The following LHFPL3 variants were observed in gnomAD, a reference collection of about 807,000 sequenced individuals.
LHFPL3 encodes the protein LHFPL tetraspan subfamily member 3 protein.
LHFPL3 carries 5 observed loss-of-function variants against 19.3 expected under a neutral mutation model. That is an observed-to-expected ratio of 0.26 (90% CI 0.14 to 0.54). The LOEUF (loss-of-function observed/expected upper bound fraction) is 0.54. LHFPL3 is among the 20% of genes least tolerant of loss of function. The probability of loss-of-function intolerance (pLI) is 0.94; values close to 1 mark genes in which losing one functional copy is unlikely to be tolerated. For synonymous variants in LHFPL3, 133 were observed against 126.2 expected (o/e 1.05, Z -0.36); for missense variants, 249 against 307.4 (o/e 0.81, Z 1.42).
At chr7:104,719,752 T>C (rs1793452916) in intron 1 of LHFPL3, among the ~76,000 whole-genome samples, 1 of 152,178 alleles carries the variant, frequency 6.6e-6, no homozygotes, top group South Asian at 2.1e-4. Flanking sequence ...GAAAGTGATT[T>C]CACATGCGTT....
intron 2 of LHFPL3, among the ~76,000 whole-genome samples, chr7:104,861,871 T>C (rs1010191454): frequency 8.5e-5 from 13 of 152,134 alleles, no homozygotes; most frequent in African/African-American, 3.1e-4. Flanking sequence ...GAGGTTATTC[T>C]CTCCAACAAG....
chr7:104,854,052 C>A (rs960132053), intron 2 of LHFPL3, among the ~76,000 whole-genome samples: 3 of 152,102 alleles, frequency 2.0e-5, no homozygotes, highest in African/African-American at 7.2e-5. Context: ...CTAGGATGAA[C>A]CCCTGTAATA....
At chr7:104,747,921 G>A (rs1168691369) in intron 2 of LHFPL3, among the ~76,000 whole-genome samples, 1 of 152,114 alleles carries the variant, frequency 6.6e-6, no homozygotes. Flanking sequence ...TATTTTTAGA[G>A]TGTGGGGAAA....
chr7:104,632,490 T>A (rs922777310), intron 1 of LHFPL3, among the ~76,000 whole-genome samples: 3 of 152,246 alleles, frequency 2.0e-5, no homozygotes, highest in Non-Finnish European at 4.4e-5. Flanking sequence ...AGATAACCAT[T>A]ATGAAATAAC....
rs1478649787 is a variant in LHFPL3, at chr7:104,802,511, A to G, written c.682+65600A>G. 2.8e-5 allele frequency among the ~76,000 whole-genome samples: 4 copies of G among 143,382 alleles called. No homozygotes were observed. The South Asian group carries it at 9.0e-4, about 32-fold the overall frequency. 94.1% of individuals were successfully genotyped at this position (143,382 alleles called of 152,430 possible). A position where few individuals can be genotyped will look rare whatever the true frequency, so the allele number is the denominator to read the frequency against. On this transcript the variant is annotated intron_variant, in intron 2 of 2. Coordinates refer to ENST00000424859, the MANE Select transcript of LHFPL3 (RefSeq NM_199000.3). The stretch of plus-strand genomic sequence containing the variant: ...TATCTCAAAAAAAAAAAAAAAAAAA[A>G]AAAAGAGAGAGAGAGCAAGGGAAGG...
intron 1 of LHFPL3, among the ~76,000 whole-genome samples, chr7:104,495,929 C>A (rs1793464429): frequency 6.7e-6 from 1 of 149,922 alleles, no homozygotes; most frequent in South Asian, 2.1e-4. Flanking sequence ...TTAGGATAAG[C>A]TAATTGTCTG....
rs956285592 is a variant in LHFPL3 at position 104,808,899 on chromosome 7, T to G, written c.682+71988T>G. On this transcript the variant is annotated intron_variant, in intron 2 of 2. Coordinates refer to ENST00000424859, the MANE Select transcript of LHFPL3 (RefSeq NM_199000.3). ...CCATAGATGATAGATCCTTTTTTTT[T>G]TTTTTTTTTTTTTTTTAGGTGGAGT... Among the ~76,000 whole-genome samples the G allele has an allele frequency of 1.4e-3, 208 of 146,844 alleles. 1 individual carries two copies. Among genetic ancestry groups the G allele is most frequent in the Admixed American group, 2.1e-3 (31 of 14,780 alleles).
chr7:104,621,420 A>C (rs887152573), intron 1 of LHFPL3, among the ~76,000 whole-genome samples: 4 of 152,338 alleles, frequency 2.6e-5, no homozygotes, highest in African/African-American at 7.2e-5. Flanking sequence ...ACATATTTGC[A>C]CACTGAATTA....
At chr7:104,888,152 C>A (rs1268580361) in intron 2 of LHFPL3, among the ~76,000 whole-genome samples, 1 of 152,168 alleles carries the variant, frequency 6.6e-6, no homozygotes, top group African/African-American at 2.4e-5. Flanking sequence ...ATATTAGAGA[C>A]ACTGCATTAA....
chr7:104,732,532 C>T (rs1256177441), intron 1 of LHFPL3, among the ~76,000 whole-genome samples: 1 of 152,178 alleles, frequency 6.6e-6, no homozygotes, highest in Non-Finnish European at 1.5e-5. Flanking sequence ...ATAGTATTCT[C>T]TGATGGTATT....
At chr7:104,521,117 G>C (rs1177999444) in intron 1 of LHFPL3, among the ~76,000 whole-genome samples, 1 of 152,004 alleles carries the variant, frequency 6.6e-6, no homozygotes, top group Non-Finnish European at 1.5e-5. Flanking sequence ...ACACTGCTTT[G>C]AATGCATCCC....
At chr7:104,747,937 G>A (rs1379681615) in intron 2 of LHFPL3, among the ~76,000 whole-genome samples, 3 of 152,092 alleles carry the variant, frequency 2.0e-5, no homozygotes, top group African/African-American at 7.2e-5. Context: ...GGAAAAGCAA[G>A]AGAGATCAGA....
intron 1 of LHFPL3, among the ~76,000 whole-genome samples, chr7:104,407,678 C>G (rs1014387340): frequency 6.6e-6 from 1 of 152,138 alleles, no homozygotes; most frequent in Non-Finnish European, 1.5e-5. Flanking sequence ...AAAGAGAGAA[C>G]CTTTTTGGTG....
At chr7:104,661,853 T>C (rs1004133822) in intron 1 of LHFPL3, among the ~76,000 whole-genome samples, 1 of 152,234 alleles carries the variant, frequency 6.6e-6, no homozygotes, top group African/African-American at 2.4e-5. Flanking sequence ...TATGGCTTTT[T>C]TGGCATATCC....
chr7:104,539,082 C>A (rs1203308936), intron 1 of LHFPL3, among the ~76,000 whole-genome samples: 2 of 152,132 alleles, frequency 1.3e-5, no homozygotes, highest in Non-Finnish European at 2.9e-5. Context: ...CCTAGAGCCT[C>A]CAAAAAGTAA....
At chr7:104,778,192 T>C (rs553700677) in intron 2 of LHFPL3, among the ~76,000 whole-genome samples, 1 of 152,278 alleles carries the variant, frequency 6.6e-6, no homozygotes, top group East Asian at 1.9e-4. Context: ...AACCAGAAGA[T>C]TGAGTGCGAT....
chr7:104,426,080 C>G (rs2116544983), intron 1 of LHFPL3, among the ~76,000 whole-genome samples: 1 of 152,306 alleles, frequency 6.6e-6, no homozygotes, highest in South Asian at 2.1e-4. Flanking sequence ...CCCGTTCCCC[C>G]ACAGATGCAG....
At chr7:104,771,668 C>A (rs1413640760) in intron 2 of LHFPL3, among the ~76,000 whole-genome samples, 1 of 152,026 alleles carries the variant, frequency 6.6e-6, no homozygotes, top group Non-Finnish European at 1.5e-5. Context: ...CTAATAAATA[C>A]TGCTCACGCC....
At chr7:104,521,417 A>C (rs1159003334) in intron 1 of LHFPL3, among the ~76,000 whole-genome samples, 1 of 152,166 alleles carries the variant, frequency 6.6e-6, no homozygotes, top group Non-Finnish European at 1.5e-5. Context: ...AAAAAAATGT[A>C]TATTCTGTTG....
Sources: gnomAD v4.1 joint callset for allele counts (sites outside exome capture counted in the v4.1 genomes callset) on GRCh38, gnomAD v4.1.1 for gene constraint, MANE v1.5 for transcripts, NCBI Gene and HGNC (gene_info 2026-07-23, HGNC 2026-07-21) for gene names.